SORCS2: variants seen among roughly 807,000 people sequenced by gnomAD.
SORCS2 encodes the protein VPS10 domain-containing receptor SorCS2.
In SORCS2, 100 loss-of-function variants were observed where a neutral mutation model predicts 141.6. The observed-to-expected ratio is 0.71, with a 90% CI of 0.60 to 0.83. SORCS2 has a LOEUF of 0.83. Ranked by LOEUF, SORCS2 falls within the 40% of genes least tolerant of loss-of-function variation. The pLI, the probability that SORCS2 is intolerant of heterozygous loss-of-function variation, is 0.00. For missense variants in SORCS2, 1,646 were observed against 1,560.2 expected, an observed-to-expected ratio of 1.05 and a Z score of -0.93; for synonymous variants, 789 against 676.9, an observed-to-expected ratio of 1.17 and a Z score of -2.57.
rs1716238091 is a variant in SORCS2, at chr4:7,286,564, A to G, written c.480+93438A>G. Among the ~76,000 whole-genome samples the G allele has an allele frequency of 6.6e-6, 1 of 152,148 alleles. No individual in the cohort carries two copies. ...GAGCTGGGGTCGGTCCCAGGACCAG[A>G]AGGGACATGGTCCCATTCGGTCCCA... On this transcript the variant is annotated intron_variant, in intron 1 of 26. Transcript: ENST00000507866. This position sits in a 1 kb window ranked among gnomAD's most constrained non-coding sequence, Gnocchi z 4.1.
chr4:7,601,605 C>G (rs1334885670), intron 3 of SORCS2, among the ~76,000 whole-genome samples: 1 of 74,014 alleles, frequency 1.4e-5, no homozygotes, highest in Non-Finnish European at 2.5e-5. Flanking sequence ...GGCGACAAAG[C>G]AAGACTCTCT....
intron 3 of SORCS2, among the ~76,000 whole-genome samples, chr4:7,590,403 T>C (rs1577801796): frequency 6.6e-6 from 1 of 152,202 alleles, no homozygotes; most frequent in Non-Finnish European, 1.5e-5. Context: ...TTGTGAAGAC[T>C]GTGAAGGTGG....
At chr4:7,604,003 T>C (rs183633749) in intron 3 of SORCS2, among the ~76,000 whole-genome samples, 4 of 150,364 alleles carry the variant, frequency 2.7e-5, no homozygotes, top group Non-Finnish European at 5.9e-5. Context: ...CGTGTGACTC[T>C]GTTGTGTGTT....
chr4:7,386,043 C>T (rs971602860), intron 1 of SORCS2, among the ~76,000 whole-genome samples: 1 of 152,194 alleles, frequency 6.6e-6, no homozygotes, highest in Non-Finnish European at 1.5e-5. Context: ...GTGGAGCAGC[C>T]ACACTTTGGA....
At chr4:7,517,147 A>G (rs1222278254) in intron 2 of SORCS2, among the ~76,000 whole-genome samples, 5 of 152,184 alleles carry the variant, frequency 3.3e-5, no homozygotes, top group Non-Finnish European at 1.5e-5. Context: ...TTCTGATCAG[A>G]CACACTGAGG....
chr4:7,571,895 G>T (rs746722820), intron 3 of SORCS2, among the ~76,000 whole-genome samples: 3 of 152,192 alleles, frequency 2.0e-5, no homozygotes, highest in African/African-American at 7.2e-5. Context: ...CGCGGTGCCA[G>T]AGCTGACACT....
chr4:7,695,166 A>T (rs954724594), intron 11 of SORCS2, among the ~76,000 whole-genome samples: 1 of 151,034 alleles, frequency 6.6e-6, no homozygotes, highest in Admixed American at 6.6e-5. Flanking sequence ...TAATAGGTAG[A>T]TGGAGGGATG....
chr4:7,531,985 G>A (rs112146364), intron 3 of SORCS2, among the ~76,000 whole-genome samples: 1 of 152,272 alleles, frequency 6.6e-6, no homozygotes, highest in African/African-American at 2.4e-5. Context: ...TCGGAAGGCA[G>A]TGCTGAGCAG....
intron 1 of SORCS2, among the ~76,000 whole-genome samples, chr4:7,359,394 A>G (rs1198897710): frequency 6.6e-6 from 1 of 152,212 alleles, no homozygotes; most frequent in East Asian, 1.9e-4. Context: ...TGGGCCTCCC[A>G]AAGTGCTGAA....
At chr4:7,538,783 C>G (rs114055707) in intron 3 of SORCS2, among the ~76,000 whole-genome samples, 1 of 152,138 alleles carries the variant, frequency 6.6e-6, no homozygotes, top group Non-Finnish European at 1.5e-5. Context: ...CTCACTCGCC[C>G]GTGTCTTCGT....
At chr4:7,660,925 G>A (rs182651277) in intron 5 of SORCS2, among the ~76,000 whole-genome samples, 1 of 152,300 alleles carries the variant, frequency 6.6e-6, no homozygotes, top group East Asian at 1.9e-4. Context: ...GGCCACACTT[G>A]ACCAGGTCAT....
At chr4:7,711,451 G>A (rs1725822623) in intron 14 of SORCS2, among the ~76,000 whole-genome samples, 1 of 152,210 alleles carries the variant, frequency 6.6e-6, no homozygotes, top group Non-Finnish European at 1.5e-5. Context: ...GGAGCAGCGT[G>A]CATCACCTCC....
rs151295349 is a variant in SORCS2 at position 7,471,174 on chromosome 4, G to A, written c.549-60356G>A. 6.2e-3 allele frequency among the ~76,000 whole-genome samples: 950 copies of A among 152,310 alleles called. 15 individuals carry two copies. The highest frequency in any genetic ancestry group is 0.022 in the African/African-American group (895 of 41,552). ...TTGGGAACAGGTCAGCGTTGCACCCGCCCGCTATCGGGGCCAGCATCCTGC... is the reference window on the plus strand; with the variant it reads ...TTGGGAACAGGTCAGCGTTGCACCCACCCGCTATCGGGGCCAGCATCCTGC... On this transcript the variant is annotated intron_variant, in intron 2 of 26. Coordinates refer to ENST00000507866, the MANE Select transcript of SORCS2 (RefSeq NM_020777.3).
At chr4:7,700,163 G>A (rs868631302) in intron 12 of SORCS2, among the ~76,000 whole-genome samples, 1 of 152,230 alleles carries the variant, frequency 6.6e-6, no homozygotes, top group Non-Finnish European at 1.5e-5. Context: ...GCCTCCGAAG[G>A]TTTCCCCAAG....
At chr4:7,311,262 C>T (rs577009743) in intron 1 of SORCS2, among the ~76,000 whole-genome samples, 21 of 152,166 alleles carry the variant, frequency 1.4e-4, no homozygotes, top group Non-Finnish European at 2.9e-4. Context: ...ATCAATTGTT[C>T]GTTCCCTTTT....
At chr4:7,488,524 C>T (rs917087949) in intron 2 of SORCS2, among the ~76,000 whole-genome samples, 1 of 152,226 alleles carries the variant, frequency 6.6e-6, no homozygotes, top group African/African-American at 2.4e-5. Flanking sequence ...CAGACCCTGC[C>T]TCCTGCAGAC....
chr4:7,593,205 G>A (rs1365198600), intron 3 of SORCS2, among the ~76,000 whole-genome samples: 1 of 152,162 alleles, frequency 6.6e-6, no homozygotes, highest in Non-Finnish European at 1.5e-5. Flanking sequence ...TCAGGTAGAA[G>A]TGCAAGGCTT....
intron 1 of SORCS2, among the ~76,000 whole-genome samples, chr4:7,236,925 T>C (rs151280196): frequency 0.011 from 1,656 of 152,326 alleles, 17 homozygotes; most frequent in Middle Eastern, 0.044. Context: ...GAGAAACTTC[T>C]GTTATTTTCC....
chr4:7,724,934 A>G (rs1341410744), intron 19 of SORCS2, among the ~76,000 whole-genome samples: 103 of 88,136 alleles, frequency 1.2e-3, no homozygotes, highest in African/African-American at 5.5e-3. Context: ...TGGTGGTAGT[A>G]GTGGTGATGG....
Sources: allele counts gnomAD v4.1 joint callset (sites outside exome capture counted in the v4.1 genomes callset), GRCh38; gene constraint gnomAD v4.1.1; non-coding constraint Gnocchi (gnomAD v3.1); transcripts MANE v1.5; gene names NCBI Gene and HGNC (gene_info 2026-07-23, HGNC 2026-07-21).